TMEM14C: variants seen among roughly 807,000 people sequenced by gnomAD.
TMEM14C encodes the protein transmembrane protein 14C.
TMEM14C carries 13 observed loss-of-function variants against 14.8 expected under a neutral mutation model. The observed-to-expected ratio is 0.88, with a 90% CI of 0.57 to 1.40. The LOEUF is 1.40. Ranked by LOEUF, TMEM14C falls within the 40% of genes most tolerant of loss-of-function variation. The pLI is 0.00. For synonymous variants in TMEM14C, 57 were observed against 51.3 expected (o/e 1.11, Z -0.48); for missense variants, 142 against 138.8 (o/e 1.02, Z -0.12).
At chr6:10,726,149 G>C (rs1013964785) in intron 4 of TMEM14C, 141 bp downstream of exon 4, 2 of 904,582 alleles carry the variant, frequency 2.2e-6, no homozygotes, top group Non-Finnish European at 3.4e-6. Context: ...TCCTCAGAAA[G>C]TTTTAAAATG....
In TMEM14C at chr6:10,730,903, T is replaced by C; in HGVS notation, c.*237T>C. 1 of 1,154,188 alleles carries C rather than the reference T, an allele frequency of 8.7e-7. No individual in the cohort carries two copies. The highest frequency in any genetic ancestry group is 3.7e-4 in the Middle Eastern group (1 of 2,720). The allele number at this position is 1,154,188 out of a possible 1,614,324, so 71.5% of individuals were successfully genotyped here. A position where few individuals can be genotyped will look rare whatever the true frequency, so the allele number is the denominator to read the frequency against. ...CTCATAGAGCTTGATTCTTGTATATTGATGTTGTCTTTTCTTTCTGTATCT... is the reference window on the plus strand; with the variant it reads ...CTCATAGAGCTTGATTCTTGTATATCGATGTTGTCTTTTCTTTCTGTATCT... On this transcript the variant is annotated 3_prime_UTR_variant, in exon 6 of 6. Transcript: ENST00000229563.
In TMEM14C at chr6:10,726,133, A is replaced by G. The variant is rs1770853180; in HGVS notation, c.199+125A>G. 2.0e-5 allele frequency: 21 copies of G among 1,058,762 alleles called. No individual in the cohort carries two copies. The South Asian group carries it at 2.9e-4, about 15-fold the overall frequency. 65.6% of individuals were successfully genotyped at this position (1,058,762 alleles called of 1,614,324 possible). On this transcript the variant is annotated intron_variant, in intron 4 of 5. Transcript: ENST00000229563. ...CACTTACGACAATTTCACTGCTTCT[A>G]CCAAGTCCTCAGAAAGTTTTAAAAT... is the stretch of plus-strand genomic sequence containing the variant.
chr6:10,728,800 A>C, intron 5 of TMEM14C, 73 bp downstream of exon 5: 3 of 1,605,760 alleles, frequency 1.9e-6, no homozygotes, highest in Non-Finnish European at 2.6e-6. Context: ...ATGCATTCAA[A>C]ACCTTACTTG....
intron 4 of TMEM14C, 27 bp from the exon 5 acceptor site, chr6:10,728,612 TA>T: frequency 1.2e-6 from 2 of 1,611,362 alleles, no homozygotes; most frequent in Non-Finnish European, 1.7e-6. Flanking sequence ...TAATGAGTTT[TA>T]ACACTTCTTT....
intron 5 of TMEM14C, among the ~76,000 whole-genome samples, chr6:10,729,598 G>A (rs530507757): frequency 2.9e-4 from 44 of 152,114 alleles, no homozygotes; most frequent in Middle Eastern, 3.4e-3. Context: ...CCAACATTGC[G>A]AAACCCCGTC....
rs994098049 is a variant in TMEM14C, at chr6:10,725,154, G to C, written c.97+117G>C. On this transcript the variant is annotated intron_variant, in intron 3 of 5. Coordinates refer to ENST00000229563, the MANE Select transcript of TMEM14C (RefSeq NM_016462.4). The stretch of plus-strand genomic sequence containing the variant: ...AGTCAGGTTTGCTGTGGGTCCCCAA[G>C]CTGGAGTGCAGGCTTCCTTGTCAGT... 9 of 1,243,298 alleles carry C rather than the reference G, an allele frequency of 7.2e-6. No homozygotes were observed. The African/African-American group carries it at 1.2e-4, about 16-fold the overall frequency. The allele number at this position is 1,243,298 out of a possible 1,614,324, so 77.0% of individuals were successfully genotyped here. A position where few individuals can be genotyped will look rare whatever the true frequency, so the allele number is the denominator to read the frequency against.
intron 1 of TMEM14C, chr6:10,724,289 G>C (rs565256252): frequency 4.7e-5 from 14 of 300,802 alleles, no homozygotes; most frequent in African/African-American, 2.6e-4. Flanking sequence ...GAGCTGGTCA[G>C]TGGATCTTGC....
chr6:10,730,684 C>A lies in TMEM14C; in HGVS notation c.*18C>A. 1 of 1,584,206 alleles carries A rather than the reference C, an allele frequency of 6.3e-7. No individual in the cohort carries two copies. Among genetic ancestry groups the A allele is most frequent in the Non-Finnish European group, 8.6e-7 (1 of 1,161,748 alleles). On this transcript the variant is annotated 3_prime_UTR_variant, in exon 6 of 6. Coordinates refer to ENST00000229563, the MANE Select transcript of TMEM14C (RefSeq NM_016462.4). ...CCCATTAGCAGAAGTCATGTTCCAG[C>A]TTAGACTGATGAAGAATTAAAAATC...
chr6:10,730,659 C>G lies in TMEM14C; in HGVS notation c.332C>G (p.Pro111Arg), dbSNP rs781026710. 2 of 1,608,810 alleles carry G rather than the reference C, an allele frequency of 1.2e-6. No homozygotes were observed. The highest frequency in any genetic ancestry group is 2.7e-5 in the African/African-American group (2 of 74,884). Residue 111 changes from proline to arginine, a missense_variant, in exon 6 of 6, where the codon CCC becomes CGC. Pro to Arg is a moderately radical substitution (Grantham distance 103, BLOSUM62 -2). Coordinates refer to ENST00000229563, the MANE Select transcript of TMEM14C (RefSeq NM_016462.4). Reference protein sequence around the residue: ...AKVGVSMFNRPH With the variant: ...AKVGVSMFNRRH ...GTTGGAGTTAGTATGTTCAACAGAC[C>G]CCATTAGCAGAAGTCATGTTCCAGC...
intron 1 of TMEM14C, 79 bp from the exon 2 acceptor site, chr6:10,724,491 T>C (rs890662746): frequency 7.8e-6 from 7 of 897,922 alleles, no homozygotes; most frequent in Non-Finnish European, 1.3e-5. Context: ...GTTGCGTAGC[T>C]TGCAGGTTGG....
chr6:10,729,486 T>C (rs1228904795), intron 5 of TMEM14C, among the ~76,000 whole-genome samples: 1 of 152,014 alleles, frequency 6.6e-6, no homozygotes, highest in African/African-American at 2.4e-5. Context: ...TTTTAAAAAA[T>C]TTAGTTGTGG....
chr6:10,728,011 C>G (rs963568685), intron 4 of TMEM14C, among the ~76,000 whole-genome samples: 9 of 152,154 alleles, frequency 5.9e-5, no homozygotes, highest in Admixed American at 3.3e-4. Flanking sequence ...GGGTGAATGT[C>G]CCATGCTCCC....
intron 3 of TMEM14C, 134 bp downstream of exon 3, chr6:10,725,171 C>T: frequency 9.7e-7 from 1 of 1,025,802 alleles, no homozygotes; most frequent in South Asian, 1.4e-5. Context: ...TGCAGGCTTC[C>T]TTGTCAGTCT....
chr6:10,724,725 C>G, intron 2 of TMEM14C, 92 bp downstream of exon 2: 1 of 1,414,418 alleles, frequency 7.1e-7, no homozygotes, highest in South Asian at 1.2e-5. Flanking sequence ...AGTAGACTGC[C>G]TGGGATGGCA....
chr6:10,730,630 C>G lies in TMEM14C; in HGVS notation c.303C>G (p.Ala101=). The G allele has an allele frequency of 3.7e-6, 6 of 1,612,078 alleles. No individual in the cohort carries two copies. Among genetic ancestry groups the G allele is most frequent in the Non-Finnish European group, 5.1e-6 (6 of 1,178,758 alleles). The change falls in exon 6 of 6, where the codon GCC becomes GCG. Residue 101 remains alanine, a synonymous_variant. Coordinates refer to ENST00000229563, the MANE Select transcript of TMEM14C (RefSeq NM_016462.4). ...TTTTAAACAGTTTGCTGATGGTCGC[C>G]AAAGTTGGAGTTAGTATGTTCAACA... ...LIAGASLLMV[A]KVGVSMFNRP...
At position 10,729,368 on chromosome 6, in the gene TMEM14C, T is replaced by C. The variant is rs1581600943; in HGVS notation, c.287+641T>C. Among the ~76,000 whole-genome samples the C allele has an allele frequency of 2.0e-5, 3 of 152,188 alleles. No individual in the cohort carries two copies. The South Asian group carries it at 6.2e-4, about 32-fold the overall frequency. On this transcript the variant is annotated intron_variant, in intron 5 of 5. Transcript: ENST00000229563. ...CAGGCTGGTCTGGAACTCCTGATCT[T>C]GTGATCCGCCCACTTCGGCCTCCCA... is the stretch of plus-strand genomic sequence containing the variant.
chr6:10,723,518 C>T (rs1320842593), intron 1 of TMEM14C, among the ~76,000 whole-genome samples: 2 of 151,780 alleles, frequency 1.3e-5, no homozygotes, highest in East Asian at 3.9e-4. Context: ...CTCCCTTACT[C>T]GGTGCCGTCT....
intron 2 of TMEM14C, among the ~76,000 whole-genome samples, 162 bp from the exon 3 acceptor site, chr6:10,724,799 T>G (rs1160640235): frequency 6.6e-6 from 1 of 152,194 alleles, no homozygotes; most frequent in African/African-American, 2.4e-5. Flanking sequence ...CAGCTCTGGC[T>G]TTGCTGAGTT....
intron 4 of TMEM14C, among the ~76,000 whole-genome samples, chr6:10,726,657 C>T (rs1473719196): frequency 2.6e-5 from 4 of 152,192 alleles, no homozygotes. Flanking sequence ...CACCACTGCA[C>T]TCCAGCCTGG....
Sources: gnomAD v4.1 joint callset for allele counts (sites outside exome capture counted in the v4.1 genomes callset) on GRCh38, gnomAD v4.1.1 for gene constraint, MANE v1.5 for transcripts, NCBI Gene and HGNC (gene_info 2026-07-23, HGNC 2026-07-21) for gene names.